Variants in CDH8 observed in about 807,000 individuals in gnomAD.
CDH8 encodes the protein cadherin-8.
In CDH8, 17 loss-of-function variants were observed where a neutral mutation model predicts 68.1. The ratio of observed to expected loss-of-function variants is 0.25; its 90% CI spans 0.17 to 0.37. CDH8 has a LOEUF of 0.37. Among genes scored for constraint, CDH8 ranks in the 10% least tolerant of loss-of-function variants. CDH8 has a pLI of 1.00. For synonymous variants in CDH8, 372 were observed against 365.1 expected, an observed-to-expected ratio of 1.02 and a Z score of -0.21; for missense variants, 763 against 999.3, an observed-to-expected ratio of 0.76 and a Z score of 3.19.
At chr16:61,988,367 A>C (rs1010003370) in intron 2 of CDH8, among the ~76,000 whole-genome samples, 2 of 152,218 alleles carry the variant, frequency 1.3e-5, no homozygotes, top group African/African-American at 4.8e-5. Context: ...CAGAATTAAT[A>C]TGCAAGTCAG....
chr16:61,935,834 A>G (rs1232384191), intron 2 of CDH8, among the ~76,000 whole-genome samples: 1 of 152,148 alleles, frequency 6.6e-6, no homozygotes, highest in African/African-American at 2.4e-5. Flanking sequence ...CCTGTTTAGG[A>G]GTCAGTGTGG....
intron 2 of CDH8, among the ~76,000 whole-genome samples, chr16:61,924,126 T>G (rs986991957): frequency 3.9e-5 from 6 of 151,978 alleles, no homozygotes; most frequent in African/African-American, 7.2e-5. Context: ...TTTCTGTGGT[T>G]GTTGTTGTGT....
intron 3 of CDH8, among the ~76,000 whole-genome samples, chr16:61,880,032 T>C (rs1963540523): frequency 6.6e-6 from 1 of 152,058 alleles, no homozygotes; most frequent in South Asian, 2.1e-4. Flanking sequence ...TTCAAGCGAT[T>C]ATCCTGCCTC....
intron 3 of CDH8, among the ~76,000 whole-genome samples, chr16:61,899,836 A>G (rs1963936337): frequency 1.1e-5 from 1 of 88,990 alleles, no homozygotes; most frequent in Non-Finnish European, 2.1e-5. Context: ...ATAAAGACAC[A>G]CACACACACA....
At chr16:61,665,830 T>C (rs1567410727) in intron 10 of CDH8, among the ~76,000 whole-genome samples, 1 of 137,026 alleles carries the variant, frequency 7.3e-6, no homozygotes, top group Non-Finnish European at 1.6e-5. Flanking sequence ...CCTTCTCTCC[T>C]TCCCTCCCTC....
At chr16:61,745,671 C>T (rs945191634) in intron 8 of CDH8, among the ~76,000 whole-genome samples, 4 of 150,840 alleles carry the variant, frequency 2.7e-5, no homozygotes, top group Admixed American at 6.6e-5. Context: ...TTTAACACAC[C>T]GGATTTTTCA....
intron 3 of CDH8, among the ~76,000 whole-genome samples, chr16:61,858,671 G>C (rs915141865): frequency 7.2e-5 from 11 of 152,148 alleles, no homozygotes; most frequent in African/African-American, 1.2e-4. Context: ...TCTATGGGGG[G>C]AGTGAAAAGG....
intron 2 of CDH8, among the ~76,000 whole-genome samples, chr16:61,959,694 GTATGTGTGTC>G (rs1034226048): frequency 6.1e-5 from 9 of 146,624 alleles, no homozygotes; most frequent in Non-Finnish European, 1.2e-4. Context: ...CTTTCTCTCT[GTATGTGTGTC>G]TGTGTATATA....
chr16:61,758,845 T>G (rs1960390024), intron 8 of CDH8, among the ~76,000 whole-genome samples: 2 of 152,312 alleles, frequency 1.3e-5, no homozygotes, highest in South Asian at 4.1e-4. Context: ...ATCTGAGGTT[T>G]TTTTACTAGA....
At chr16:61,810,482 G>C (rs935273290) in intron 7 of CDH8, among the ~76,000 whole-genome samples, 1 of 151,554 alleles carries the variant, frequency 6.6e-6, no homozygotes, top group African/African-American at 2.4e-5. Context: ...AGAGGAGAGA[G>C]AGAGAGAGAG....
chr16:61,770,353 T>G (rs1960746759), intron 8 of CDH8, among the ~76,000 whole-genome samples: 1 of 151,916 alleles, frequency 6.6e-6, no homozygotes. Flanking sequence ...CCACTCTTTT[T>G]GCATCCAGGC....
chr16:61,948,170 T>A (rs1025411362), intron 2 of CDH8, among the ~76,000 whole-genome samples: 1 of 152,084 alleles, frequency 6.6e-6, no homozygotes. Flanking sequence ...AAAAATAACA[T>A]AATGGAAGAG....
intron 8 of CDH8, among the ~76,000 whole-genome samples, chr16:61,763,302 A>C (rs1483033785): frequency 6.6e-6 from 1 of 152,180 alleles, no homozygotes. Flanking sequence ...AATAGATACC[A>C]GTATTCACTC....
chr16:61,866,023 G>T (rs1963246430), intron 3 of CDH8, among the ~76,000 whole-genome samples: 1 of 152,080 alleles, frequency 6.6e-6, no homozygotes, highest in Non-Finnish European at 1.5e-5. Flanking sequence ...TTCAAGACTA[G>T]CCTGGGCAAC....
At chr16:61,684,707 A>G (rs970271471) in intron 10 of CDH8, among the ~76,000 whole-genome samples, 1 of 151,946 alleles carries the variant, frequency 6.6e-6, no homozygotes, top group Non-Finnish European at 1.5e-5. Context: ...CTGACCTGAC[A>G]GTTCCTTTGT....
At chr16:61,761,937 G>C (rs974936378) in intron 8 of CDH8, among the ~76,000 whole-genome samples, 28 of 152,108 alleles carry the variant, frequency 1.8e-4, no homozygotes, top group African/African-American at 6.3e-4. Context: ...AGGTGTTGAG[G>C]CTACAGTGAG....
intron 8 of CDH8, among the ~76,000 whole-genome samples, chr16:61,753,839 G>A (rs1596934452): frequency 1.3e-5 from 2 of 152,180 alleles, no homozygotes; most frequent in East Asian, 3.9e-4. Context: ...TTGAGTGGAG[G>A]TAGAAAAAGT....
At chr16:61,681,621 T>C (rs1036092197) in intron 10 of CDH8, among the ~76,000 whole-genome samples, 1 of 151,750 alleles carries the variant, frequency 6.6e-6, no homozygotes, top group Non-Finnish European at 1.5e-5. Flanking sequence ...CACAGCTTTC[T>C]AAATTTGTGA....
intron 2 of CDH8, among the ~76,000 whole-genome samples, chr16:62,016,350 A>G (rs1466260625): frequency 6.6e-6 from 1 of 152,222 alleles, no homozygotes; most frequent in Non-Finnish European, 1.5e-5. Flanking sequence ...TCCATTGGCA[A>G]TGAAATGCTC....
Sources: gnomAD v4.1 joint callset for allele counts (sites outside exome capture counted in the v4.1 genomes callset) on GRCh38, gnomAD v4.1.1 for gene constraint, MANE v1.5 for transcripts, NCBI Gene and HGNC (gene_info 2026-07-23, HGNC 2026-07-21) for gene names.